DCST2: variants seen among roughly 807,000 people sequenced by gnomAD.
DCST2 encodes the protein DC-STAMP domain-containing protein 2.
In DCST2, 64 loss-of-function variants were observed where a neutral mutation model predicts 81.8. That is an observed-to-expected ratio of 0.78 (90% CI 0.64 to 0.96). The LOEUF (loss-of-function observed/expected upper bound fraction) is 0.96. Ranked by LOEUF, DCST2 falls within the 40% of genes least tolerant of loss-of-function variation. DCST2 has a pLI of 0.00. For missense variants in DCST2, 945 were observed against 1,001.4 expected, an observed-to-expected ratio of 0.94 and a Z score of 0.76; for synonymous variants, 354 against 402.6, an observed-to-expected ratio of 0.88 and a Z score of 1.44.
At chr1:155,021,948 T>C (rs1659769831) in intron 14 of DCST2, among the ~76,000 whole-genome samples, 1 of 150,870 alleles carries the variant, frequency 6.6e-6, no homozygotes, top group South Asian at 2.1e-4. Context: ...CTCACTGCAA[T>C]CTCTGCCTCC....
chr1:155,033,751 T>G lies in DCST2; in HGVS notation c.-50A>C. The G allele has an allele frequency of 6.3e-7, 1 of 1,581,258 alleles. No homozygotes were observed. The highest frequency in any genetic ancestry group is 8.6e-7 in the Non-Finnish European group (1 of 1,163,520). On this transcript the variant is annotated 5_prime_UTR_variant, in exon 1 of 15. Transcript: ENST00000368424. The stretch of plus-strand genomic sequence containing the variant: ...TGTCTCCAGGAGATGCCCGCTGACT[T>G]CTGTGCTCCTGGAATTTCTCACCGT...
Position 155,031,583 on chromosome 1 carries a change from G to T in DCST2, c.730C>A (p.Leu244Ile). ...LMPFKLALCGLASLVQVFCVI... is the reference protein window; with the variant it reads ...LMPFKLALCGIASLVQVFCVI... Reference sequence around the variant, plus strand: ...ACCCTGGTTTTCTCACGGCTGGCAAGTCCACAGAGCGCCAGTTTGAAGGGC... The same window carrying T: ...ACCCTGGTTTTCTCACGGCTGGCAATTCCACAGAGCGCCAGTTTGAAGGGC... Residue 244 changes from leucine (L) to isoleucine (I), a missense_variant, in exon 4 of 15, where the codon CTT (leucine) becomes ATT (isoleucine). Physicochemically the swap from Leu to Ile is conservative, Grantham distance 5. Transcript: ENST00000368424. 1 of 1,406,818 alleles carries T rather than the reference G, an allele frequency of 7.1e-7. No individual in the cohort carries two copies. The highest frequency in any genetic ancestry group is 1.1e-5 in the South Asian group (1 of 88,522). The allele number at this position is 1,406,818 out of a possible 1,614,324, so 87.1% of individuals were successfully genotyped here.
rs201803286 is a variant in DCST2 at position 155,030,109 on chromosome 1, G to A, written c.1152C>T (p.His384=). 295 of 1,613,922 alleles carry A rather than the reference G, an allele frequency of 1.8e-4. No homozygotes were observed. The highest frequency in any genetic ancestry group is 2.3e-4 in the Admixed American group (14 of 60,024). The change falls in exon 7 of 15, where the codon CAC becomes CAT. Residue 384 remains histidine, a synonymous_variant. Coordinates refer to ENST00000368424, the MANE Select transcript of DCST2 (RefSeq NM_144622.3). ...CCGGTGGGATGTAGCGCCTGGCCTC[G>A]TGAGCACTGAGCGGTAGCACTGTGG... ...GLPTVLPLSA[H]EARRYIPPGS... is the part of the protein sequence containing the mutation.
chr1:155,030,619 G>A lies in DCST2; in HGVS notation c.832C>T (p.Arg278Cys), dbSNP rs377731845. 17 of 1,613,942 alleles carry A rather than the reference G, an allele frequency of 1.1e-5. No individual in the cohort carries two copies. The highest frequency in any genetic ancestry group is 1.4e-5 in the Non-Finnish European group (16 of 1,180,022). ...GTCATGTTGAACTCAAACTCCTGAC[G>A]CACCCGGTTGAGCAACTGAATCACG... Reference protein sequence around the residue: ...TPVIQLLNRVRQEFEFNMTAT... With the variant: ...TPVIQLLNRVCQEFEFNMTAT... The change falls in exon 6 of 15, where the codon CGT becomes TGT. Residue 278 changes from arginine to cysteine, a missense_variant. Coordinates refer to ENST00000368424, the MANE Select transcript of DCST2 (RefSeq NM_144622.3).
chr1:155,020,005 G>A (rs1003278663), intron 14 of DCST2, among the ~76,000 whole-genome samples: 18 of 152,248 alleles, frequency 1.2e-4, no homozygotes, highest in Non-Finnish European at 1.5e-5. Context: ...AAAGAGAAGC[G>A]AGGCCACCAG....
In DCST2 at chr1:155,033,448, G is replaced by A. The variant is rs767002632; in HGVS notation, c.254C>T (p.Pro85Leu). 4.3e-6 allele frequency: 7 copies of A among 1,613,422 alleles called. No homozygotes were observed. Among genetic ancestry groups the A allele is most frequent in the Non-Finnish European group, 5.9e-6 (7 of 1,179,586 alleles). ...QVRATVLLLL[P>L]QAFSRQGRTL... ...GCCAAGCTCACTGGAGAAGGCCTGA[G>A]GCAGCAGCAGGAGGACAGTGGCTCG... The change falls in exon 1 of 15, where the codon CCT becomes CTT. Residue 85 changes from proline to leucine, a missense_variant. By Grantham distance (98) the Pro-to-Leu change is moderately conservative. Transcript: ENST00000368424.
intron 14 of DCST2, 110 bp downstream of exon 14, chr1:155,023,007 C>G (rs1659793541): frequency 1.3e-6 from 2 of 1,487,318 alleles, no homozygotes; most frequent in Non-Finnish European, 1.8e-6. Flanking sequence ...CCCCTCATGT[C>G]TGTTTCAAGC....
At chr1:155,028,071 C>A (rs934839212) in intron 8 of DCST2, among the ~76,000 whole-genome samples, 17 of 152,098 alleles carry the variant, frequency 1.1e-4, no homozygotes, top group African/African-American at 3.4e-4. Context: ...ATTACAGGCA[C>A]CTGCCACGAC....
At chr1:155,033,041 T>C in intron 2 of DCST2, 53 bp downstream of exon 2, 6 of 1,471,438 alleles carry the variant, frequency 4.1e-6, no homozygotes, top group South Asian at 1.4e-5. Context: ...ACATGCAGGA[T>C]GAGGGGGGCG....
chr1:155,022,032 A>G (rs1659771616), intron 14 of DCST2, among the ~76,000 whole-genome samples: 1 of 151,656 alleles, frequency 6.6e-6, no homozygotes, highest in Admixed American at 6.6e-5. Context: ...AAACCCGGCT[A>G]ATTTTTGTAT....
At position 155,023,880 on chromosome 1, in the gene DCST2, C is replaced by T. The variant is rs148294919; in HGVS notation, c.1822G>A (p.Glu608Lys). The part of the protein sequence containing the change: ...YCLGCGQPQD[E>K]GDMENTVSCS... The stretch of plus-strand genomic sequence containing the variant: ...GACACAGTGTTCTCCATGTCTCCCT[C>T]ATCCTGGGGCTGCCCACAGCCCAGG... The change falls in exon 12 of 15, where the codon GAG becomes AAG. Residue 608 changes from glutamate to lysine, a missense_variant. By Grantham distance (56) the Glu-to-Lys change is moderately conservative. Coordinates refer to ENST00000368424, the MANE Select transcript of DCST2 (RefSeq NM_144622.3). 2.5e-6 allele frequency: 4 copies of T among 1,613,580 alleles called. No individual in the cohort carries two copies. The highest frequency in any genetic ancestry group is 3.4e-6 in the Non-Finnish European group (4 of 1,179,940).
intron 5 of DCST2, 95 bp from the exon 6 acceptor site, chr1:155,030,740 C>A (rs1660051226): frequency 7.3e-7 from 1 of 1,376,768 alleles, no homozygotes; most frequent in Admixed American, 2.0e-5. Flanking sequence ...CCAGGGGGCG[C>A]AGCTTACAGA....
Position 155,033,530 on chromosome 1 carries a change from C to T in DCST2, c.172G>A (p.Gly58Ser). The T allele has an allele frequency of 6.2e-7, 1 of 1,614,036 alleles. No individual in the cohort carries two copies. The highest frequency in any genetic ancestry group is 8.5e-7 in the Non-Finnish European group (1 of 1,179,970). ...AGGAAGGCAGCCAAAGTGAGGGTGCCCACCAGGCAACCCCAGGGGCTGTGG... is the reference window on the plus strand; with the variant it reads ...AGGAAGGCAGCCAAAGTGAGGGTGCTCACCAGGCAACCCCAGGGGCTGTGG... ...EGHSPWGCLV[G>S]TLTLAAFLSL... The change falls in exon 1 of 15, where the codon GGC becomes AGC. Residue 58 changes from glycine (G) to serine (S), a missense_variant. Transcript: ENST00000368424.
chr1:155,018,653 GGT>G lies in DCST2; in HGVS notation c.2211_2212del (p.Arg737SerfsTer3). ...TTTAGTGGCGGAGGATGTCTCAGGT[GGT>G]CTGTGGGGCTCAGGGCTGGTGAGAA... On this transcript the variant is annotated frameshift_variant, in exon 15 of 15. Transcript: ENST00000368424. LOFTEE classifies it low-confidence loss of function (END_TRUNC). The G allele has an allele frequency of 6.2e-7, 1 of 1,613,954 alleles. No homozygotes were observed. The highest frequency in any genetic ancestry group is 1.1e-5 in the South Asian group (1 of 91,074).
chr1:155,025,147 CAAA>C (rs201238594), intron 10 of DCST2, among the ~76,000 whole-genome samples: 11 of 111,316 alleles, frequency 9.9e-5, no homozygotes, highest in Admixed American at 1.8e-4. Context: ...AATTCTGTCT[CAAA>C]AAAAAAAAAA....
At chr1:155,028,302 G>A (rs192771345) in intron 8 of DCST2, among the ~76,000 whole-genome samples, 45 of 152,240 alleles carry the variant, frequency 3.0e-4, no homozygotes, top group Admixed American at 6.5e-4. Context: ...ATTCAGATGA[G>A]GAAACTGGGC....
chr1:155,033,183 G>A lies in DCST2; in HGVS notation c.350C>T (p.Thr117Ile), dbSNP rs1571554639. 4.3e-6 allele frequency: 7 copies of A among 1,613,512 alleles called. No individual in the cohort carries two copies. In the Admixed American group the frequency reaches 1.2e-4, roughly 27 times the overall value. The change falls in exon 2 of 15, where the codon ACC becomes ATC. Residue 117 changes from threonine (T) to isoleucine (I), a missense_variant. Thr to Ile is a moderately conservative substitution (Grantham distance 89). Transcript: ENST00000368424. ...GPCANTLRNF[T>I]RASEAVACGA... ...ACAGGCTACAGCCTCGCTGGCCCGG[G>A]TGAAGTTGCGTAGAGTGTTGGCACA...
rs1013793499 is a variant in DCST2 at position 155,029,981 on chromosome 1, C to T, written c.1177+103G>A. On this transcript the variant is annotated intron_variant, in intron 7 of 14. Transcript: ENST00000368424. Reference sequence around the variant, plus strand: ...CTCCCTCTGGCCCCTGCCCCAAGCCCATCCTGAGCCCTGCCTGTGCAGGGG... The same window carrying T: ...CTCCCTCTGGCCCCTGCCCCAAGCCTATCCTGAGCCCTGCCTGTGCAGGGG... The T allele has an allele frequency of 3.9e-6, 6 of 1,529,286 alleles. No individual in the cohort carries two copies. In the Admixed American group the frequency reaches 1.2e-4, roughly 30 times the overall value. 94.7% of individuals were successfully genotyped at this position (1,529,286 alleles called of 1,614,324 possible). A position where few individuals can be genotyped will look rare whatever the true frequency, so the allele number is the denominator to read the frequency against.
intron 12 of DCST2, 136 bp downstream of exon 12, chr1:155,023,696 A>T: frequency 1.3e-6 from 2 of 1,567,326 alleles, no homozygotes; most frequent in South Asian, 2.4e-5. Flanking sequence ...GTAAATGAGA[A>T]CGTGCATAGT....
Sources: gnomAD v4.1 joint callset for allele counts (sites outside exome capture counted in the v4.1 genomes callset) on GRCh38, gnomAD v4.1.1 for gene constraint, MANE v1.5 for transcripts, NCBI Gene and HGNC (gene_info 2026-07-23, HGNC 2026-07-21) for gene names.